ABCC1: variants seen among roughly 807,000 people sequenced by gnomAD.
ABCC1 encodes ATP binding cassette subfamily C member 1 (ABCC1 blood group), also known as multidrug resistance-associated protein 1.
In ABCC1, 83 loss-of-function variants were observed where a neutral mutation model predicts 172.9. The ratio of observed to expected loss-of-function variants is 0.48; its 90% CI spans 0.40 to 0.58. The LOEUF is 0.58. ABCC1 is among the 20% of genes least tolerant of loss of function. The pLI is 0.00. For synonymous variants in ABCC1, 937 were observed against 825.2 expected, an observed-to-expected ratio of 1.14 and a Z score of -2.32; for missense variants, 1,817 against 2,002.7, an observed-to-expected ratio of 0.91 and a Z score of 1.77.
rs143809955 is a variant in ABCC1, at chr16:15,989,352, T to C, written c.49-18464T>C. On this transcript the variant is annotated intron_variant, in intron 1 of 30. Coordinates refer to ENST00000399410, the MANE Select transcript of ABCC1 (RefSeq NM_004996.4). ...TGGCTTCAGCCGCCTTCCTCTCACC[T>C]CATGGCCCTGCCAGCCGTGCTTGCC... Among the ~76,000 whole-genome samples, 1,483 of 152,264 alleles carry C rather than the reference T, an allele frequency of 9.7e-3. 22 individuals carry two copies. Among genetic ancestry groups the C allele is most frequent in the African/African-American group, 0.032 (1,324 of 41,546 alleles).
intron 1 of ABCC1, among the ~76,000 whole-genome samples, chr16:15,956,791 G>A (rs368977170): frequency 3.9e-5 from 6 of 152,054 alleles, no homozygotes; most frequent in Non-Finnish European, 7.4e-5. Flanking sequence ...TTGTCTTCAC[G>A]TTGAGGAGGC....
At position 16,048,320 on chromosome 16, in the gene ABCC1, G is replaced by A. The variant is rs747481181; in HGVS notation, c.1380+17G>A. 22 of 1,612,972 alleles carry A rather than the reference G, an allele frequency of 1.4e-5. No homozygotes were observed. Among genetic ancestry groups the A allele is most frequent in the South Asian group, 5.5e-5 (5 of 91,044 alleles). ...CTGTGGCTGGTGTGTGTTTAACGCC[G>A]TTTCCCTTTGCATGCAGGGAGGGAC... On this transcript the variant is annotated intron_variant, in intron 10 of 30. Transcript: ENST00000399410.
At chr16:15,975,093 C>G (rs2075921693) in intron 1 of ABCC1, among the ~76,000 whole-genome samples, 1 of 152,184 alleles carries the variant, frequency 6.6e-6, no homozygotes, top group African/African-American at 2.4e-5. Flanking sequence ...CCAGCCTCCC[C>G]CTCACTCTTA....
rs748260234 is a variant in ABCC1, at chr16:16,016,503, A to T, written c.497A>T (p.Gln166Leu). ...TCCTTCCCCACCATGTAGGATGCCC[A>T]GGTGGACCTGTTTCGTGACATCACT... ...KIMTALKEDA[Q>L]VDLFRDITFY... The change falls in exon 5 of 31, where the codon CAG becomes CTG. Residue 166 changes from glutamine (Q) to leucine (L), a missense_variant. Physicochemically the swap from Gln to Leu is moderately radical, Grantham distance 113 (BLOSUM62 -2). Coordinates refer to ENST00000399410, the MANE Select transcript of ABCC1 (RefSeq NM_004996.4). 1.2e-6 allele frequency: 2 copies of T among 1,614,102 alleles called. No individual in the cohort carries two copies. Among genetic ancestry groups the T allele is most frequent in the Admixed American group, 1.7e-5 (1 of 60,008 alleles).
At chr16:15,975,597 C>T (rs115714612) in intron 1 of ABCC1, among the ~76,000 whole-genome samples, 3,390 of 151,204 alleles carry the variant, frequency 0.022, 141 homozygotes, top group African/African-American at 0.077. Flanking sequence ...GGTCTTGTTG[C>T]GCAGGCTGGA....
At chr16:16,121,254 G>A (rs1205085777) in intron 23 of ABCC1, among the ~76,000 whole-genome samples, 1 of 152,124 alleles carries the variant, frequency 6.6e-6, no homozygotes, top group African/African-American at 2.4e-5. Context: ...ATGTGCCTGG[G>A]CTGGTCTCAG....
At chr16:16,112,374 CAAAA>C (rs1197942092) in intron 22 of ABCC1, among the ~76,000 whole-genome samples, 1 of 133,570 alleles carries the variant, frequency 7.5e-6, no homozygotes, top group Non-Finnish European at 1.6e-5. Context: ...AAAAAATAAA[CAAAA>C]AAAAAAAAAC....
chr16:16,046,505 C>T (rs45465105), intron 9 of ABCC1, among the ~76,000 whole-genome samples: 8 of 152,070 alleles, frequency 5.3e-5, no homozygotes, highest in Non-Finnish European at 1.2e-4. Context: ...CCACCACGAC[C>T]GGCTAATTTT....
At chr16:16,025,867 G>C (rs1443725536) in intron 5 of ABCC1, among the ~76,000 whole-genome samples, 1 of 152,136 alleles carries the variant, frequency 6.6e-6, no homozygotes, top group Non-Finnish European at 1.5e-5. Context: ...AATGAAAGAG[G>C]GACCAGTTCA....
chr16:16,067,386 G>A (rs1007449104), intron 12 of ABCC1, among the ~76,000 whole-genome samples: 1 of 152,188 alleles, frequency 6.6e-6, no homozygotes. Context: ...GTGTGACCAC[G>A]TTAATAGATT....
intron 5 of ABCC1, among the ~76,000 whole-genome samples, chr16:16,026,457 G>A (rs1166661643): frequency 1.3e-5 from 1 of 76,642 alleles, no homozygotes; most frequent in African/African-American, 3.6e-5. Flanking sequence ...AAAAAAAAAG[G>A]CTATTTCCTT....
chr16:16,126,107 T>C (rs946601756), intron 26 of ABCC1, among the ~76,000 whole-genome samples, 196 bp downstream of exon 26: 1 of 152,198 alleles, frequency 6.6e-6, no homozygotes, highest in African/African-American at 2.4e-5. Flanking sequence ...TTTACCGGCT[T>C]TACCCAAGAT....
intron 18 of ABCC1, among the ~76,000 whole-genome samples, chr16:16,087,754 C>A (rs1055226746): frequency 1.3e-5 from 2 of 152,172 alleles, no homozygotes; most frequent in African/African-American, 4.8e-5. Flanking sequence ...CCACCACACC[C>A]GGCTGTTTCT....
At chr16:16,065,861 G>C (rs2050093204) in intron 12 of ABCC1, among the ~76,000 whole-genome samples, 1 of 152,122 alleles carries the variant, frequency 6.6e-6, no homozygotes, top group African/African-American at 2.4e-5. Context: ...TACAGGCATG[G>C]GCTACCATGC....
intron 3 of ABCC1, among the ~76,000 whole-genome samples, chr16:16,011,135 A>AG (rs1156598734): frequency 6.6e-6 from 1 of 152,188 alleles, no homozygotes; most frequent in Non-Finnish European, 1.5e-5. Flanking sequence ...CAAGAGGCTG[A>AG]GGCAGGAGAA....
chr16:15,970,929 G>A (rs1191632969), intron 1 of ABCC1, among the ~76,000 whole-genome samples: 2 of 152,144 alleles, frequency 1.3e-5, no homozygotes, highest in African/African-American at 2.4e-5. Context: ...TCCTTCTCAA[G>A]TGTTGGAAAG....
chr16:16,115,170 G>C, intron 23 of ABCC1, 94 bp downstream of exon 23: 1 of 1,322,784 alleles, frequency 7.6e-7, no homozygotes, highest in South Asian at 1.6e-5. Flanking sequence ...CATGTCCCCA[G>C]TGTGGTGCTT....
intron 26 of ABCC1, among the ~76,000 whole-genome samples, chr16:16,130,992 G>A (rs796529643): frequency 6.6e-6 from 1 of 152,162 alleles, no homozygotes; most frequent in African/African-American, 2.4e-5. Context: ...GTGGTGGCGG[G>A]TGTCTGTAAT....
rs186939482 is a variant in ABCC1, at chr16:16,082,908, A to C, written c.2116-458A>C. On this transcript the variant is annotated intron_variant, in intron 16 of 30. Transcript: ENST00000399410. ...AGCAGTCTGCCTGCCTTGGCCTCCC[A>C]AAGTGCTGGGATTACAGGCATGAGC... Among the ~76,000 whole-genome samples the C allele has an allele frequency of 1.2e-3, 176 of 152,310 alleles. 1 individual carries two copies. In the East Asian group the frequency reaches 0.025, roughly 22 times the overall value.
Sources: allele counts gnomAD v4.1 joint callset (sites outside exome capture counted in the v4.1 genomes callset), GRCh38; gene constraint gnomAD v4.1.1; transcripts MANE v1.5; gene names NCBI Gene and HGNC (gene_info 2026-07-23, HGNC 2026-07-21).